Variants in TAFA1 observed in about 807,000 individuals in gnomAD.
TAFA1 encodes chemokine-like protein TAFA-1.
TAFA1 carries 4 observed loss-of-function variants against 18.5 expected under a neutral mutation model. The observed-to-expected ratio is 0.22, with a 90% CI of 0.11 to 0.49. The LOEUF (loss-of-function observed/expected upper bound fraction) is 0.49. Ranked by LOEUF, TAFA1 falls within the 20% of genes least tolerant of loss-of-function variation. TAFA1 has a pLI of 0.98. For missense variants in TAFA1, 147 were observed against 169.0 expected (o/e 0.87, Z 0.72); for synonymous variants, 56 against 55.2 (o/e 1.01, Z -0.06).
intron 3 of TAFA1, among the ~76,000 whole-genome samples, chr3:68,505,739 A>T (rs1606243): frequency 0.2 from 30,734 of 152,020 alleles, 3,208 homozygotes; most frequent in Middle Eastern, 0.23. Flanking sequence ...CCCTGCCACA[A>T]GACCCCTCCC....
At chr3:68,028,601 C>G (rs1050939825) in intron 2 of TAFA1, among the ~76,000 whole-genome samples, 7 of 152,000 alleles carry the variant, frequency 4.6e-5, no homozygotes, top group African/African-American at 1.7e-4. Context: ...AGAGAAAAAT[C>G]CCTTCTTTGC....
chr3:68,026,187 T>C (rs1368441121), intron 2 of TAFA1, among the ~76,000 whole-genome samples: 2 of 152,064 alleles, frequency 1.3e-5, no homozygotes, highest in Non-Finnish European at 2.9e-5. Context: ...TCAGGGGCCC[T>C]GGTCCTCTGA....
At chr3:68,397,401 A>G (rs893553370) in intron 2 of TAFA1, among the ~76,000 whole-genome samples, 2 of 152,144 alleles carry the variant, frequency 1.3e-5, no homozygotes, top group Non-Finnish European at 2.9e-5. Context: ...TATGAGTGAG[A>G]ACATGTGGTG....
At chr3:68,155,039 C>A (rs951874999) in intron 2 of TAFA1, among the ~76,000 whole-genome samples, 1 of 152,150 alleles carries the variant, frequency 6.6e-6, no homozygotes, top group Non-Finnish European at 1.5e-5. Flanking sequence ...ATCAACAAAC[C>A]AGTTACGTCA....
intron 3 of TAFA1, among the ~76,000 whole-genome samples, chr3:68,471,393 C>T (rs2071995004): frequency 6.6e-6 from 1 of 152,144 alleles, no homozygotes; most frequent in South Asian, 2.1e-4. Flanking sequence ...TGATGACTTG[C>T]ACCATGCACC....
At chr3:68,093,703 T>C (rs1225790681) in intron 2 of TAFA1, among the ~76,000 whole-genome samples, 1 of 152,120 alleles carries the variant, frequency 6.6e-6, no homozygotes, top group Non-Finnish European at 1.5e-5. Context: ...GGAAAGCTGC[T>C]TATGGCATCC....
intron 2 of TAFA1, among the ~76,000 whole-genome samples, chr3:68,375,269 A>T (rs2069787678): frequency 6.6e-6 from 1 of 152,128 alleles, no homozygotes; most frequent in Non-Finnish European, 1.5e-5. Flanking sequence ...ATCCCACTCC[A>T]GACAGTGGTG....
chr3:68,029,130 A>G (rs1170630094), intron 2 of TAFA1, among the ~76,000 whole-genome samples: 4 of 152,086 alleles, frequency 2.6e-5, no homozygotes, highest in African/African-American at 9.7e-5. Context: ...TTCTCTCAAG[A>G]TTCTCTATCA....
At chr3:68,415,679 A>G (rs1267847163) in intron 2 of TAFA1, among the ~76,000 whole-genome samples, 3 of 146,522 alleles carry the variant, frequency 2.0e-5, no homozygotes, top group East Asian at 2.2e-4. Flanking sequence ...TAGGAAGTAT[A>G]TACAGACTCT....
At chr3:68,449,923 T>A (rs766600101) in intron 3 of TAFA1, among the ~76,000 whole-genome samples, 2 of 152,236 alleles carry the variant, frequency 1.3e-5, no homozygotes, top group Non-Finnish European at 2.9e-5. Context: ...TCTAGCCTGC[T>A]CTTCTCACTC....
chr3:68,532,204 G>A (rs1232555681), intron 3 of TAFA1, among the ~76,000 whole-genome samples: 1 of 152,178 alleles, frequency 6.6e-6, no homozygotes, highest in Non-Finnish European at 1.5e-5. Context: ...GCACCCTGAG[G>A]TTATAGAAAG....
chr3:68,013,371 A>G (rs1704509486), intron 2 of TAFA1, among the ~76,000 whole-genome samples: 1 of 152,144 alleles, frequency 6.6e-6, no homozygotes, highest in African/African-American at 2.4e-5. Flanking sequence ...TTATGTGTGT[A>G]TCTTTATGTA....
rs991778077 is a variant in TAFA1, at chr3:68,417,625, T to A, written c.259+205T>A. 56 of 569,346 alleles carry A rather than the reference T, an allele frequency of 9.8e-5. No individual in the cohort carries two copies. In the African/African-American group the frequency reaches 1.0e-3, roughly 10 times the overall value. The allele number at this position is 569,346 out of a possible 1,614,324, so 35.3% of individuals were successfully genotyped here. A position where few individuals can be genotyped will look rare whatever the true frequency, so the allele number is the denominator to read the frequency against. On this transcript the variant is annotated intron_variant, in intron 3 of 4. Transcript: ENST00000478136. ...GAATGTTTTTTCCCCAAAAAATAGA[T>A]GTTGAAATTTGCTTGCCATTGCAGC...
intron 3 of TAFA1, among the ~76,000 whole-genome samples, chr3:68,514,830 G>C (rs1253105594): frequency 6.6e-6 from 1 of 152,168 alleles, no homozygotes; most frequent in African/African-American, 2.4e-5. Flanking sequence ...TGGCCAAAGA[G>C]ATTGTTCCAG....
intron 2 of TAFA1, among the ~76,000 whole-genome samples, chr3:68,345,647 T>G (rs572079224): frequency 6.6e-6 from 1 of 152,276 alleles, no homozygotes; most frequent in African/African-American, 2.4e-5. Flanking sequence ...AAATACCATC[T>G]CATTCAAGTC....
intron 2 of TAFA1, among the ~76,000 whole-genome samples, chr3:68,324,962 A>G (rs549949533): frequency 6.6e-6 from 1 of 152,262 alleles, no homozygotes; most frequent in South Asian, 2.1e-4. Context: ...TCTTCATCAC[A>G]GTCACAGAGT....
At chr3:68,453,090 A>AG (rs2071594262) in intron 3 of TAFA1, among the ~76,000 whole-genome samples, 1 of 152,220 alleles carries the variant, frequency 6.6e-6, no homozygotes, top group African/African-American at 2.4e-5. Flanking sequence ...GATTCAAAAA[A>AG]TGAATTAATC....
intron 2 of TAFA1, among the ~76,000 whole-genome samples, chr3:68,366,247 G>T (rs2069571610): frequency 6.6e-6 from 1 of 152,134 alleles, no homozygotes; most frequent in African/African-American, 2.4e-5. Context: ...TGAGATTTGG[G>T]TGGGGACACA....
chr3:68,432,803 A>C (rs2071201901), intron 3 of TAFA1, among the ~76,000 whole-genome samples: 1 of 152,032 alleles, frequency 6.6e-6, no homozygotes. Context: ...TCTCATATGC[A>C]TGATGGAATT....
Sources: allele counts gnomAD v4.1 joint callset (sites outside exome capture counted in the v4.1 genomes callset), GRCh38; gene constraint gnomAD v4.1.1; transcripts MANE v1.5; gene names NCBI Gene and HGNC (gene_info 2026-07-23, HGNC 2026-07-21).